Variants in KCNG3 observed in about 807,000 individuals in gnomAD.
KCNG3 encodes the protein voltage-gated potassium channel regulatory subunit KCNG3.
A neutral mutation model predicts 29.0 loss-of-function variants in KCNG3; 15 were observed. That is an observed-to-expected ratio of 0.52 (90% CI 0.35 to 0.80). The LOEUF is 0.80. Among genes scored for constraint, KCNG3 ranks in the 30% least tolerant of loss-of-function variants. The pLI, the probability that KCNG3 is intolerant of heterozygous loss-of-function variation, is 0.01. For missense variants in KCNG3, 512 were observed against 605.7 expected, an observed-to-expected ratio of 0.85 and a Z score of 1.62; for synonymous variants, 322 against 248.9, an observed-to-expected ratio of 1.29 and a Z score of -2.76.
the KCNG3 span, among the ~76,000 whole-genome samples, chr2:42,406,797 A>T: frequency 6.7e-6 from 1 of 148,546 alleles, no homozygotes; most frequent in Admixed American, 6.8e-5. Context: ...ACTGCACTCC[A>T]GCCTGGGTGA....
At chr2:42,451,581 T>A (rs1169389825) in intron 1 of KCNG3, among the ~76,000 whole-genome samples, 1 of 151,758 alleles carries the variant, frequency 6.6e-6, no homozygotes, top group Non-Finnish European at 1.5e-5. Flanking sequence ...GAAAATTAGC[T>A]GGGCGTGGTG....
At chr2:42,394,450 C>G in the KCNG3 span, among the ~76,000 whole-genome samples, 3 of 152,226 alleles carry the variant, frequency 2.0e-5, no homozygotes, top group Non-Finnish European at 4.4e-5. Context: ...TTACTTAGCT[C>G]AGGCCTTCTC....
chr2:42,444,210 T>C lies in KCNG3; in HGVS notation c.1035A>G (p.Glu345=). 2 of 1,614,130 alleles carry C rather than the reference T, an allele frequency of 1.2e-6. No homozygotes were observed. The highest frequency in any genetic ancestry group is 1.7e-6 in the Non-Finnish European group (2 of 1,180,026). ...AIFSALSQLL[E]HGLDLETSNK... is the part of the protein sequence containing the mutation. Reference sequence around the variant, plus strand: ...TGGATGTTTCCAGGTCCAGCCCATGTTCAAGAAGCTGAGAAAGTGCACTAA... The same window carrying C: ...TGGATGTTTCCAGGTCCAGCCCATGCTCAAGAAGCTGAGAAAGTGCACTAA... The change falls in exon 2 of 2, where the codon GAA becomes GAG. Residue 345 remains glutamate, a synonymous_variant. Transcript: ENST00000306078. The surrounding 1 kb of genome is among the most constrained non-coding windows in gnomAD (Gnocchi z 5.8).
At chr2:42,397,237 T>A in the KCNG3 span, among the ~76,000 whole-genome samples, 5 of 126,578 alleles carry the variant, frequency 4.0e-5, no homozygotes, top group African/African-American at 9.2e-5. Flanking sequence ...GGAGCAAAAC[T>A]CCATCTCAAA....
intron 1 of KCNG3, among the ~76,000 whole-genome samples, chr2:42,451,310 A>G (rs1223163633): frequency 2.0e-5 from 3 of 151,360 alleles, no homozygotes; most frequent in Non-Finnish European, 4.4e-5. Context: ...AGGGGCAGTG[A>G]CACACACCTG....
chr2:42,445,062 G>A (rs1323219536), intron 1 of KCNG3, among the ~76,000 whole-genome samples: 9 of 113,676 alleles, frequency 7.9e-5, no homozygotes, highest in South Asian at 2.7e-4. Context: ...AAGAGACCCT[G>A]TCTCAAAAAT....
the KCNG3 span, among the ~76,000 whole-genome samples, chr2:42,420,912 A>G: frequency 6.6e-6 from 1 of 152,220 alleles, no homozygotes; most frequent in African/African-American, 2.4e-5. Flanking sequence ...TGAATTGACC[A>G]ATTTCTTCAA....
downstream of KCNG3, among the ~76,000 whole-genome samples, chr2:42,438,525 T>C (rs529119157): frequency 3.3e-5 from 5 of 152,318 alleles, no homozygotes; most frequent in Non-Finnish European, 7.3e-5. Context: ...TTTGGTATAG[T>C]CTTGTTGATA....
intron 1 of KCNG3, among the ~76,000 whole-genome samples, chr2:42,479,486 A>C (rs1673525797): frequency 6.6e-6 from 1 of 151,692 alleles, no homozygotes. Context: ...CTCTACAAAA[A>C]TTCAACAAAA....
At chr2:42,388,920 T>C in the KCNG3 span, among the ~76,000 whole-genome samples, 1 of 152,118 alleles carries the variant, frequency 6.6e-6, no homozygotes, top group South Asian at 2.1e-4. Context: ...TTTTGGTTTT[T>C]GTTTGTATTT....
the KCNG3 span, among the ~76,000 whole-genome samples, chr2:42,431,808 T>C: frequency 6.6e-6 from 1 of 152,138 alleles, no homozygotes; most frequent in Non-Finnish European, 1.5e-5. Context: ...GAGGCCGACG[T>C]GGGCGGATCA....
At chr2:42,453,983 T>C (rs776517158) in intron 1 of KCNG3, among the ~76,000 whole-genome samples, 7 of 151,806 alleles carry the variant, frequency 4.6e-5, no homozygotes, top group African/African-American at 1.2e-4. Flanking sequence ...AGGATTTGAA[T>C]AGATATTTCT....
the KCNG3 span, among the ~76,000 whole-genome samples, chr2:42,398,478 C>A: frequency 6.6e-6 from 1 of 152,106 alleles, no homozygotes; most frequent in East Asian, 1.9e-4. Context: ...AGTTTTGAGA[C>A]ATACGCATTA....
chr2:42,458,537 G>T (rs1415639965), intron 1 of KCNG3, among the ~76,000 whole-genome samples: 1 of 152,224 alleles, frequency 6.6e-6, no homozygotes, highest in Non-Finnish European at 1.5e-5. Context: ...TAAGACAGGG[G>T]CTATCCATCA....
the KCNG3 span, among the ~76,000 whole-genome samples, chr2:42,419,945 G>A: frequency 6.6e-6 from 1 of 152,242 alleles, no homozygotes; most frequent in African/African-American, 2.4e-5. Context: ...GGACCCAGCT[G>A]GGCACGGTGG....
intron 1 of KCNG3, among the ~76,000 whole-genome samples, chr2:42,474,676 C>T (rs959251284): frequency 6.6e-6 from 1 of 152,206 alleles, no homozygotes; most frequent in Non-Finnish European, 1.5e-5. Flanking sequence ...TATTCTGCTT[C>T]TCCCACTTAA....
intron 1 of KCNG3, among the ~76,000 whole-genome samples, chr2:42,466,014 G>A (rs1374019139): frequency 1.3e-5 from 2 of 152,154 alleles, no homozygotes; most frequent in Non-Finnish European, 2.9e-5. Flanking sequence ...ACCACATAAT[G>A]ACATTTCTGT....
chr2:42,439,091 A>G (rs1215326854), downstream of KCNG3, among the ~76,000 whole-genome samples: 1 of 152,188 alleles, frequency 6.6e-6, no homozygotes, highest in Non-Finnish European at 1.5e-5. Context: ...ACTTATTTGG[A>G]TACATGTGGA....
intron 1 of KCNG3, among the ~76,000 whole-genome samples, chr2:42,454,906 T>C (rs531369415): frequency 6.6e-6 from 1 of 152,086 alleles, no homozygotes; most frequent in African/African-American, 2.4e-5. Context: ...AGAGAAGAGT[T>C]GTTTGATGGG....
Sources: gnomAD v4.1 joint callset for allele counts (sites outside exome capture counted in the v4.1 genomes callset) on GRCh38, gnomAD v4.1.1 for gene constraint, Gnocchi (gnomAD v3.1) non-coding constraint, MANE v1.5 for transcripts, NCBI Gene and HGNC (gene_info 2026-07-23, HGNC 2026-07-21) for gene names.